GAB2: variants seen among roughly 807,000 people sequenced by gnomAD.
GAB2 encodes GRB2-associated-binding protein 2.
A neutral mutation model predicts 65.5 loss-of-function variants in GAB2; 26 were observed. The observed-to-expected ratio is 0.40, with a 90% CI of 0.29 to 0.55. GAB2 has a LOEUF of 0.55. Ranked by LOEUF, GAB2 falls within the 20% of genes least tolerant of loss-of-function variation. The pLI, the probability that GAB2 is intolerant of heterozygous loss-of-function variation, is 0.53. For synonymous variants in GAB2, 321 were observed against 329.6 expected, an observed-to-expected ratio of 0.97 and a Z score of 0.28; for missense variants, 884 against 875.8, an observed-to-expected ratio of 1.01 and a Z score of -0.12.
chr11:78,373,754 T>A (rs566094037), intron 1 of GAB2, among the ~76,000 whole-genome samples: 32 of 152,292 alleles, frequency 2.1e-4, no homozygotes, highest in Non-Finnish European at 3.5e-4. Context: ...TGACCCAACT[T>A]TCTTGGTTCC....
At chr11:78,303,643 G>A (rs907882019) in intron 1 of GAB2, among the ~76,000 whole-genome samples, 1 of 152,034 alleles carries the variant, frequency 6.6e-6, no homozygotes, top group African/African-American at 2.4e-5. Context: ...GGTTATTCTT[G>A]GTCCTTTGCA....
intron 1 of GAB2, among the ~76,000 whole-genome samples, chr11:78,383,466 C>T (rs927742476): frequency 1.4e-4 from 21 of 149,858 alleles, no homozygotes; most frequent in African/African-American, 4.9e-4. Flanking sequence ...GGGTCTCAGC[C>T]GTGTGTGGTG....
At chr11:78,222,317 GGAAACT>G (rs1864468060) in intron 6 of GAB2, 122 bp from the exon 7 acceptor site, 1 of 676,676 alleles carries the variant, frequency 1.5e-6, no homozygotes, top group Non-Finnish European at 2.7e-6. Context: ...TTTCACACAG[GGAAACT>G]GACGCTCAGC....
At chr11:78,291,561 C>CTTTTTTTTTTTTT (rs1163199130) in intron 1 of GAB2, among the ~76,000 whole-genome samples, 38 of 80,878 alleles carry the variant, frequency 4.7e-4, no homozygotes, top group East Asian at 1.2e-3. Context: ...TTTTCTTTTT[C>CTTTTTTTTTTTTT]TTTTTTTTTT....
intron 1 of GAB2, among the ~76,000 whole-genome samples, chr11:78,400,102 T>C (rs1173445442): frequency 1.3e-5 from 2 of 152,170 alleles, no homozygotes; most frequent in Admixed American, 6.5e-5. Flanking sequence ...TTATAAAATA[T>C]TCCCCCCAGC....
At chr11:78,400,667 C>G (rs1856956983) in intron 1 of GAB2, among the ~76,000 whole-genome samples, 1 of 152,088 alleles carries the variant, frequency 6.6e-6, no homozygotes, top group South Asian at 2.1e-4. Flanking sequence ...CTTTGGGAGG[C>G]TGAGGCAGGT....
chr11:78,244,218 C>G (rs1383650587), intron 3 of GAB2, among the ~76,000 whole-genome samples: 1 of 151,982 alleles, frequency 6.6e-6, no homozygotes, highest in South Asian at 2.1e-4. Context: ...GTGGTAAAAT[C>G]CTGTCTCTAT....
intron 1 of GAB2, among the ~76,000 whole-genome samples, chr11:78,295,825 G>A (rs1192387617): frequency 6.6e-6 from 1 of 152,196 alleles, no homozygotes; most frequent in African/African-American, 2.4e-5. Flanking sequence ...TTCAGGAAAA[G>A]AGAGTAAGAT....
At chr11:78,281,695 T>A (rs544380060) in intron 1 of GAB2, among the ~76,000 whole-genome samples, 146 of 152,368 alleles carry the variant, frequency 9.6e-4, no homozygotes, top group African/African-American at 2.3e-3. Context: ...GTGCAGCATC[T>A]CACTATGTAA....
At chr11:78,381,831 G>C (rs905896356) in intron 1 of GAB2, among the ~76,000 whole-genome samples, 3 of 152,176 alleles carry the variant, frequency 2.0e-5, no homozygotes, top group African/African-American at 4.8e-5. Context: ...TTTAATCAGA[G>C]AACCAGAGGT....
At position 78,222,863 on chromosome 11, in the gene GAB2, G is replaced by A. The variant is rs1055835977; in HGVS notation, c.1567+549C>T. ...CTCCCAAAGTGTTGGGGTTACAGGC[G>A]TACAGGCGTGAGCCATGGCGCCCAG... On this transcript the variant is annotated intron_variant, in intron 6 of 9. Coordinates refer to ENST00000361507, the MANE Select transcript of GAB2 (RefSeq NM_080491.3). 1.9e-4 allele frequency among the ~76,000 whole-genome samples: 29 copies of A among 152,334 alleles called. 1 individual carries two copies. Among genetic ancestry groups the A allele is most frequent in the Admixed American group, 1.5e-3 (23 of 15,306 alleles).
At chr11:78,342,121 A>AT (rs1271255465) in intron 1 of GAB2, among the ~76,000 whole-genome samples, 1 of 152,246 alleles carries the variant, frequency 6.6e-6, no homozygotes, top group Non-Finnish European at 1.5e-5. Flanking sequence ...GCAAATGCAA[A>AT]TAAGTATACT....
chr11:78,413,959 A>G (rs1857161031), intron 1 of GAB2, among the ~76,000 whole-genome samples: 1 of 151,944 alleles, frequency 6.6e-6, no homozygotes, highest in African/African-American at 2.4e-5. Context: ...GTGGTGATGC[A>G]TGCCTGTAAT....
At chr11:78,397,296 TA>T (rs1369693520) in intron 1 of GAB2, among the ~76,000 whole-genome samples, 2 of 152,212 alleles carry the variant, frequency 1.3e-5, no homozygotes, top group African/African-American at 4.8e-5. Flanking sequence ...GTTCAAAACT[TA>T]AAAGCATATA....
chr11:78,417,721 G>A lies in GAB2; in HGVS notation c.-1C>T. ...ACACCACGTCGCCGCCGCCGCTCATGCTGCCGGCCTGGAGCCCCCCGCCGG... is the reference window on the plus strand; with the variant it reads ...ACACCACGTCGCCGCCGCCGCTCATACTGCCGGCCTGGAGCCCCCCGCCGG... On this transcript the variant is annotated 5_prime_UTR_variant, in exon 1 of 10. Transcript: ENST00000361507. 3.8e-6 allele frequency: 5 copies of A among 1,323,254 alleles called. No homozygotes were observed. The highest frequency in any genetic ancestry group is 3.0e-5 in the South Asian group (2 of 65,844). 82.0% of individuals were successfully genotyped at this position (1,323,254 alleles called of 1,614,324 possible).
chr11:78,291,393 G>C (rs1050735232), intron 1 of GAB2, among the ~76,000 whole-genome samples: 3 of 150,718 alleles, frequency 2.0e-5, no homozygotes, highest in African/African-American at 7.3e-5. Context: ...TTGAACCTGG[G>C]AGGCAGAGCT....
chr11:78,284,196 C>T (rs556037272), intron 1 of GAB2, among the ~76,000 whole-genome samples: 1 of 152,294 alleles, frequency 6.6e-6, no homozygotes, highest in Admixed American at 6.5e-5. Flanking sequence ...CAAATCCTGT[C>T]AGTTCAGACA....
intron 1 of GAB2, among the ~76,000 whole-genome samples, chr11:78,375,044 T>C (rs1040054174): frequency 1.3e-5 from 2 of 152,208 alleles, no homozygotes; most frequent in African/African-American, 4.8e-5. Flanking sequence ...TTTCGTTTAT[T>C]TATTTTGTAT....
chr11:78,334,399 C>T (rs1319882125), intron 1 of GAB2, among the ~76,000 whole-genome samples: 2 of 152,050 alleles, frequency 1.3e-5, no homozygotes, highest in Admixed American at 1.3e-4. Context: ...CCTCTCTTAC[C>T]ACCCCTCACT....
Sources: gnomAD v4.1 joint callset for allele counts (sites outside exome capture counted in the v4.1 genomes callset) on GRCh38, gnomAD v4.1.1 for gene constraint, MANE v1.5 for transcripts, NCBI Gene and HGNC (gene_info 2026-07-23, HGNC 2026-07-21) for gene names.